Variants in SMARCA4 observed in about 807,000 individuals in gnomAD.
The protein encoded by SMARCA4 is SWI/SNF-related matrix-associated actin-dependent regulator of chromatin subfamily A member 4.
A neutral mutation model predicts 193.9 loss-of-function variants in SMARCA4; 31 were observed. That is an observed-to-expected ratio of 0.16 (90% CI 0.12 to 0.22). The LOEUF (loss-of-function observed/expected upper bound fraction) is 0.22, where lower values mean the gene tolerates loss of function less well. Among genes scored for constraint, SMARCA4 ranks in the 10% least tolerant of loss-of-function variants. The pLI, the probability that SMARCA4 is intolerant of heterozygous loss-of-function variation, is 1.00. For missense variants in SMARCA4, 1,148 were observed against 2,296.0 expected (o/e 0.50, Z 10.22); for synonymous variants, 942 against 933.1 (o/e 1.01, Z -0.17).
At chr19:10,999,051 C>T (rs548834551) in intron 11 of SMARCA4, among the ~76,000 whole-genome samples, 7 of 152,134 alleles carry the variant, frequency 4.6e-5, no homozygotes, top group South Asian at 2.1e-4. Flanking sequence ...TACAGGCGCA[C>T]GCCACCATGC....
intron 1 of SMARCA4, among the ~76,000 whole-genome samples, chr19:10,982,317 T>TA (rs914702896): frequency 1.3e-5 from 2 of 151,786 alleles, no homozygotes; most frequent in East Asian, 2.0e-4. Context: ...CTATTAAAAA[T>TA]ACAAAAATTA....
chr19:10,988,586 C>T (rs1324651167), intron 6 of SMARCA4, among the ~76,000 whole-genome samples: 1 of 152,150 alleles, frequency 6.6e-6, no homozygotes, highest in East Asian at 1.9e-4. Flanking sequence ...TTGTTCCTGC[C>T]CCAGGACCTT....
At chr19:11,021,483 T>C (rs780477045) in intron 18 of SMARCA4, 19 of 640,140 alleles carry the variant, frequency 3.0e-5, no homozygotes, top group South Asian at 2.8e-4. Flanking sequence ...ATTTGCATTG[T>C]TCACCTGCCA....
At chr19:11,020,989 G>A (rs554519550) in intron 18 of SMARCA4, 23 of 155,782 alleles carry the variant, frequency 1.5e-4, no homozygotes, top group Non-Finnish European at 3.1e-4. Context: ...GCTTTATCCC[G>A]GAGCCAACAA....
At chr19:10,999,843 T>C (rs2087455208) in intron 11 of SMARCA4, among the ~76,000 whole-genome samples, 1 of 152,238 alleles carries the variant, frequency 6.6e-6, no homozygotes, top group South Asian at 2.1e-4. Context: ...AAAGTGCTAA[T>C]GGACACCTCT....
intron 29 of SMARCA4, among the ~76,000 whole-genome samples, chr19:11,036,934 A>G (rs556609729): frequency 6.6e-6 from 1 of 152,218 alleles, no homozygotes; most frequent in Non-Finnish European, 1.5e-5. Flanking sequence ...CACGCAATGT[A>G]ACATGCTGAC....
rs2083757143 is a variant in SMARCA4 at position 10,961,091 on chromosome 19, A to G, written c.-115A>G. The G allele has an allele frequency of 1.3e-5, 2 of 148,496 alleles. No individual in the cohort carries two copies. Among genetic ancestry groups the G allele is most frequent in the East Asian group, 4.0e-4 (2 of 5,058 alleles). 9.2% of individuals were successfully genotyped at this position (148,496 alleles called of 1,614,324 possible). A position where few individuals can be genotyped will look rare whatever the true frequency, so the allele number is the denominator to read the frequency against. On this transcript the variant is annotated 5_prime_UTR_variant, in exon 1 of 35. Coordinates refer to ENST00000344626, the MANE Select transcript of SMARCA4 (RefSeq NM_003072.5). ...GCGGCGGCTTCTTTGTTTCGTGAAG[A>G]GAAGCGAGACGCCCATTCTGCCCCC...
chr19:11,032,700 G>A (rs2075011291), intron 25 of SMARCA4: 1 of 155,640 alleles, frequency 6.4e-6, no homozygotes, highest in Non-Finnish European at 1.4e-5. Flanking sequence ...GCCCATCCAC[G>A]GCACCTGCAT....
intron 1 of SMARCA4, among the ~76,000 whole-genome samples, chr19:10,974,510 G>T (rs1214065856): frequency 6.8e-6 from 1 of 146,820 alleles, no homozygotes; most frequent in African/African-American, 2.5e-5. Context: ...AAAAGTAATA[G>T]ATGGCTATTG....
At chr19:11,007,717 A>T (rs1488411159) in intron 13 of SMARCA4, among the ~76,000 whole-genome samples, 185 bp from the exon 14 acceptor site, 3 of 152,178 alleles carry the variant, frequency 2.0e-5, no homozygotes, top group Non-Finnish European at 2.9e-5. Context: ...ATATTAAAAA[A>T]AATAATAATA....
At position 11,059,836 on chromosome 19, in the gene SMARCA4, G is replaced by C. The variant is rs1306229985; in HGVS notation, c.4719G>C (p.Glu1573Asp). 6.2e-7 allele frequency: 1 copy of C among 1,613,892 alleles called. No homozygotes were observed. Among genetic ancestry groups the C allele is most frequent in the Non-Finnish European group, 8.5e-7 (1 of 1,179,886 alleles). ...KIEKEDDSEG[E>D]ESEEEEEGEE... is the part of the protein sequence containing the mutation. ...AGAAGGAGGATGACAGTGAAGGCGA[G>C]GAGAGTGAGGAGGAGGAAGAGGGCG... Residue 1573 changes from glutamate (E) to aspartate (D), a missense_variant, in exon 33 of 35, where the codon GAG (glutamate) becomes GAC (aspartate). Glu to Asp is a conservative substitution (Grantham distance 45). Transcript: ENST00000344626.
intron 11 of SMARCA4, among the ~76,000 whole-genome samples, chr19:11,000,809 C>T (rs1600114242): frequency 6.8e-6 from 1 of 147,410 alleles, no homozygotes; most frequent in Non-Finnish European, 1.5e-5. Flanking sequence ...ACCCGGGAGG[C>T]GGATCACACC....
chr19:10,975,850 G>A (rs1039558199), intron 1 of SMARCA4, among the ~76,000 whole-genome samples: 2 of 152,304 alleles, frequency 1.3e-5, no homozygotes, highest in Admixed American at 1.3e-4. Context: ...CTGCTGGCCT[G>A]GATTCCCAGG....
chr19:11,026,220 A>G (rs1264133029), intron 22 of SMARCA4, 80 bp from the exon 23 acceptor site: 3 of 1,116,226 alleles, frequency 2.7e-6, no homozygotes, highest in African/African-American at 3.1e-5. Context: ...TCCTCTGAGC[A>G]CGAGCGGTGT....
chr19:10,972,650 C>T (rs968557372), intron 1 of SMARCA4, among the ~76,000 whole-genome samples: 3 of 152,180 alleles, frequency 2.0e-5, no homozygotes, highest in East Asian at 3.9e-4. Flanking sequence ...ATGGATTCTG[C>T]ATCTCCCTGC....
rs567483500 is a variant in SMARCA4, at chr19:10,975,716, C to T, written c.-31-8405C>T. 1.4e-3 allele frequency among the ~76,000 whole-genome samples: 213 copies of T among 152,334 alleles called. 1 individual carries two copies. The highest frequency in any genetic ancestry group is 5.0e-3 in the African/African-American group (206 of 41,574). On this transcript the variant is annotated intron_variant, in intron 1 of 34. Transcript: ENST00000344626. ...TCAAGAAATTGAGGCAATATGGCCA[C>T]ACCACTTCTAGACCCTTTGGCCCAG... is the stretch of plus-strand genomic sequence containing the variant.
chr19:11,035,916 T>G (rs2075244725), intron 29 of SMARCA4, among the ~76,000 whole-genome samples: 1 of 152,196 alleles, frequency 6.6e-6, no homozygotes, highest in Admixed American at 6.5e-5. Context: ...ATCCCTGAAG[T>G]TGTGTCATAA....
chr19:10,989,536 ACAC>A, intron 7 of SMARCA4, 93 bp downstream of exon 7: 1 of 1,453,326 alleles, frequency 6.9e-7, no homozygotes, highest in Non-Finnish European at 9.6e-7. Context: ...GGCTAGTATT[ACAC>A]CTGCCTGGGC....
intron 6 of SMARCA4, 102 bp from the exon 7 acceptor site, chr19:10,989,215 T>C: frequency 1.4e-6 from 2 of 1,431,636 alleles, no homozygotes; most frequent in South Asian, 2.3e-5. Context: ...GCCTCATGAC[T>C]AGTGCCTGCC....
Sources: allele counts gnomAD v4.1 joint callset (sites outside exome capture counted in the v4.1 genomes callset), GRCh38; gene constraint gnomAD v4.1.1; transcripts MANE v1.5; gene names NCBI Gene and HGNC (gene_info 2026-07-23, HGNC 2026-07-21).